Variants in MYOZ2 observed in about 807,000 individuals in gnomAD.
MYOZ2 encodes the protein myozenin-2.
MYOZ2 carries 19 observed loss-of-function variants against 25.4 expected under a neutral mutation model. The ratio of observed to expected loss-of-function variants is 0.75; its 90% CI spans 0.52 to 1.10. The LOEUF is 1.10. Among genes scored for constraint, MYOZ2 ranks in the 50% least tolerant of loss-of-function variants. The probability of loss-of-function intolerance (pLI) is 0.00; values close to 1 mark genes in which losing one functional copy is unlikely to be tolerated. For missense variants in MYOZ2, 270 were observed against 317.9 expected (o/e 0.85, Z 1.15); for synonymous variants, 92 against 106.9 (o/e 0.86, Z 0.86).
intron 3 of MYOZ2, among the ~76,000 whole-genome samples, chr4:119,153,358 T>C (rs1352334239): frequency 6.6e-6 from 1 of 152,142 alleles, no homozygotes; most frequent in Non-Finnish European, 1.5e-5. Context: ...TTGGCAAATA[T>C]TTATTGGGTG....
At chr4:119,153,743 G>A (rs975033062) in intron 3 of MYOZ2, among the ~76,000 whole-genome samples, 8 of 152,078 alleles carry the variant, frequency 5.3e-5, no homozygotes, top group Admixed American at 5.2e-4. Context: ...GAAAAAATAA[G>A]TGTAGCTTTG....
intron 5 of MYOZ2, among the ~76,000 whole-genome samples, chr4:119,180,108 A>G (rs1324359771): frequency 6.6e-6 from 1 of 152,224 alleles, no homozygotes; most frequent in Non-Finnish European, 1.5e-5. Flanking sequence ...TGTGCTGTGT[A>G]TGTCAAGTAA....
intron 5 of MYOZ2, among the ~76,000 whole-genome samples, chr4:119,180,969 G>A (rs75296793): frequency 0.016 from 2,400 of 152,212 alleles, 42 homozygotes; most frequent in Middle Eastern, 0.048. Context: ...AATTCTCTTA[G>A]GAAGGGAACA....
At chr4:119,141,291 A>C (rs992226030) in intron 2 of MYOZ2, among the ~76,000 whole-genome samples, 1 of 152,232 alleles carries the variant, frequency 6.6e-6, no homozygotes, top group Non-Finnish European at 1.5e-5. Flanking sequence ...GTGTCTTTGC[A>C]AACTATGGAT....
At chr4:119,183,981 A>AT (rs1413246816) in intron 5 of MYOZ2, among the ~76,000 whole-genome samples, 1 of 151,656 alleles carries the variant, frequency 6.6e-6, no homozygotes, top group Non-Finnish European at 1.5e-5. Context: ...TGCCCTGCTA[A>AT]TTTTTTGTAT....
intron 5 of MYOZ2, among the ~76,000 whole-genome samples, chr4:119,175,550 G>C (rs1006569728): frequency 6.6e-6 from 1 of 151,904 alleles, no homozygotes; most frequent in African/African-American, 2.4e-5. Context: ...TTAGGAGTTC[G>C]AGACCACCCT....
At chr4:119,164,189 C>G in intron 4 of MYOZ2, 22 bp from the exon 5 acceptor site, 1 of 1,608,882 alleles carries the variant, frequency 6.2e-7, no homozygotes, top group Non-Finnish European at 8.5e-7. Context: ...TATTTACTTA[C>G]TTTTGCTATA....
chr4:119,164,385 G>T lies in MYOZ2; in HGVS notation c.551G>T (p.Ser184Ile). The change falls in exon 5 of 6, where the codon AGC becomes ATC. Residue 184 changes from serine (S) to isoleucine (I), a missense_variant. Physicochemically the swap from Ser to Ile is moderately radical, Grantham distance 142 (BLOSUM62 -2). Transcript: ENST00000307128. ...AAGGCAGAACTGCCTGATTACAGGA[G>T]CTTTAACAGGTAATTCAATGGTCCT... ...EGKAELPDYRSFNRVATPFGG... is the reference protein window; with the variant it reads ...EGKAELPDYRIFNRVATPFGG... 6.2e-7 allele frequency: 1 copy of T among 1,614,026 alleles called. No homozygotes were observed. Among genetic ancestry groups the T allele is most frequent in the Non-Finnish European group, 8.5e-7 (1 of 1,179,944 alleles).
intron 5 of MYOZ2, among the ~76,000 whole-genome samples, chr4:119,177,939 A>G (rs1742112710): frequency 6.6e-6 from 1 of 152,098 alleles, no homozygotes; most frequent in Admixed American, 6.5e-5. Context: ...CTTTTTCTTG[A>G]CAGTAAAAAG....
chr4:119,149,450 T>G (rs1359315955), intron 2 of MYOZ2, among the ~76,000 whole-genome samples: 1 of 152,186 alleles, frequency 6.6e-6, no homozygotes, highest in Non-Finnish European at 1.5e-5. Flanking sequence ...TCTAAACATT[T>G]TCTGTCTTGC....
At chr4:119,158,772 C>A (rs7688678) in intron 4 of MYOZ2, among the ~76,000 whole-genome samples, 2 of 152,020 alleles carry the variant, frequency 1.3e-5, no homozygotes, top group African/African-American at 4.8e-5. Flanking sequence ...TATATATTGT[C>A]TTCTTTAATT....
chr4:119,136,474 T>G (rs373806020), intron 1 of MYOZ2, 38 bp from the exon 2 acceptor site: 1 of 1,544,126 alleles, frequency 6.5e-7, no homozygotes, highest in Non-Finnish European at 8.9e-7. Context: ...AAATGAGTTC[T>G]TCACATTGCC....
At chr4:119,176,120 C>A (rs1742067273) in intron 5 of MYOZ2, among the ~76,000 whole-genome samples, 1 of 152,134 alleles carries the variant, frequency 6.6e-6, no homozygotes, top group Non-Finnish European at 1.5e-5. Flanking sequence ...AGGTTAAGAT[C>A]TACAATTTTT....
chr4:119,156,034 T>C (rs144507287), intron 3 of MYOZ2, among the ~76,000 whole-genome samples: 3 of 152,236 alleles, frequency 2.0e-5, no homozygotes, highest in African/African-American at 7.2e-5. Flanking sequence ...TGAAATTCCC[T>C]GTTCTCAAGT....
chr4:119,165,281 G>C (rs983874298), intron 5 of MYOZ2, among the ~76,000 whole-genome samples: 2 of 151,480 alleles, frequency 1.3e-5, no homozygotes, highest in African/African-American at 4.9e-5. Flanking sequence ...AGGCTGAGGT[G>C]GGTGGATCAC....
chr4:119,136,412 T>C, intron 1 of MYOZ2, 100 bp from the exon 2 acceptor site: 1 of 1,075,796 alleles, frequency 9.3e-7, no homozygotes, highest in South Asian at 1.4e-5. Context: ...TAATAACTTT[T>C]TAATAAAGAA....
intron 2 of MYOZ2, among the ~76,000 whole-genome samples, chr4:119,147,631 C>T (rs962277202): frequency 7.3e-5 from 11 of 151,360 alleles, no homozygotes; most frequent in African/African-American, 2.7e-4. Flanking sequence ...GTAATCCCAG[C>T]TACTCGGGAG....
intron 3 of MYOZ2, among the ~76,000 whole-genome samples, chr4:119,157,379 T>A (rs1455667032): frequency 1.3e-5 from 2 of 152,136 alleles, no homozygotes; most frequent in Non-Finnish European, 2.9e-5. Flanking sequence ...ATAGAATAAA[T>A]CCTGTAATAG....
Position 119,186,735 on chromosome 4 carries a change from T to C in MYOZ2, c.*535T>C, listed in dbSNP as rs1011220164. 1.3e-5 allele frequency: 2 copies of C among 153,826 alleles called. No homozygotes were observed. Among genetic ancestry groups the C allele is most frequent in the Non-Finnish European group, 2.9e-5 (2 of 69,310 alleles). The allele number at this position is 153,826 out of a possible 1,614,324, so 9.5% of individuals were successfully genotyped here. A position where few individuals can be genotyped will look rare whatever the true frequency, so the allele number is the denominator to read the frequency against. ...ATTAGTCACTCTTAGAATTCTAAAG[T>C]GCTTTGCACTTTTCAATATGTTTTG... On this transcript the variant is annotated 3_prime_UTR_variant, in exon 6 of 6. Coordinates refer to ENST00000307128, the MANE Select transcript of MYOZ2 (RefSeq NM_016599.5).
Sources: gnomAD v4.1 joint callset for allele counts (sites outside exome capture counted in the v4.1 genomes callset) on GRCh38, gnomAD v4.1.1 for gene constraint, MANE v1.5 for transcripts, NCBI Gene and HGNC (gene_info 2026-07-23, HGNC 2026-07-21) for gene names.